The following GNAI3 variants were observed in gnomAD, a reference collection of about 807,000 sequenced individuals.
GNAI3 encodes G protein subunit alpha i3.
A neutral mutation model predicts 41.8 loss-of-function variants in GNAI3; 12 were observed. The observed-to-expected ratio is 0.29, with a 90% CI of 0.18 to 0.47. The LOEUF (loss-of-function observed/expected upper bound fraction) is 0.47. GNAI3 is among the 20% of genes least tolerant of loss of function. GNAI3 has a pLI of 1.00. For synonymous variants in GNAI3, 132 were observed against 146.5 expected (o/e 0.90, Z 0.71); for missense variants, 360 against 429.6 (o/e 0.84, Z 1.43).
intron 7 of GNAI3, among the ~76,000 whole-genome samples, chr1:109,588,895 A>ATCAG (rs1467375410): frequency 2.0e-5 from 3 of 152,034 alleles, no homozygotes; most frequent in African/African-American, 7.3e-5. Context: ...CCATCAATCA[A>ATCAG]TCAATCAATC....
chr1:109,553,640 G>A (rs551577106), intron 1 of GNAI3, among the ~76,000 whole-genome samples: 107 of 152,036 alleles, frequency 7.0e-4, no homozygotes, highest in African/African-American at 2.4e-3. Context: ...TCTGTGTTTC[G>A]GGGAAAAAAA....
intron 3 of GNAI3, among the ~76,000 whole-genome samples, chr1:109,577,744 C>G (rs1241478835): frequency 6.6e-6 from 1 of 151,954 alleles, no homozygotes; most frequent in Admixed American, 6.6e-5. Flanking sequence ...AGCTGGAGAC[C>G]CAGAGTTTGG....
Position 109,586,201 on chromosome 1 carries a change from T to G in GNAI3, c.591-15T>G. Reference sequence around the variant, plus strand: ...GTGTGACCTTGCTGAATTTGCTTTCTTTCCCCTTGCGCAGGATGTTTGATG... The same window carrying G: ...GTGTGACCTTGCTGAATTTGCTTTCGTTCCCCTTGCGCAGGATGTTTGATG... On this transcript the variant is annotated splice_polypyrimidine_tract_variant and intron_variant, in intron 5 of 8. Transcript: ENST00000369851. 1 of 1,611,582 alleles carries G rather than the reference T, an allele frequency of 6.2e-7. No homozygotes were observed. The highest frequency in any genetic ancestry group is 8.5e-7 in the Non-Finnish European group (1 of 1,178,460).
At chr1:109,586,950 A>G (rs1055487854) in intron 7 of GNAI3, 68 bp downstream of exon 7, 2 of 1,055,050 alleles carry the variant, frequency 1.9e-6, no homozygotes, top group South Asian at 1.4e-5. Flanking sequence ...GGTGGCATTC[A>G]TAAAACTGCC....
rs746738567 is a variant in GNAI3, at chr1:109,579,301, G to A, written c.401G>A (p.Gly134Asp). 1 of 1,613,664 alleles carries A rather than the reference G, an allele frequency of 6.2e-7. No homozygotes were observed. Among genetic ancestry groups the A allele is most frequent in the East Asian group, 2.2e-5 (1 of 44,878 alleles). Residue 134 changes from glycine to aspartate, a missense_variant, in exon 4 of 9, where the codon GGT becomes GAT. By Grantham distance (94) the Gly-to-Asp change is moderately conservative (BLOSUM62 -1). Coordinates refer to ENST00000369851, the MANE Select transcript of GNAI3 (RefSeq NM_006496.4). Reference protein sequence around the residue: ...AGVIKRLWRDGGVQACFSRSR... With the variant: ...AGVIKRLWRDDGVQACFSRSR... ...GTGATTAAACGGTTATGGCGAGATG[G>A]TGGGGTACAAGCTTGCTTCAGCAGA...
At chr1:109,573,713 A>G (rs961246467) in intron 1 of GNAI3, 24 bp from the exon 2 acceptor site, 2 of 1,575,298 alleles carry the variant, frequency 1.3e-6, no homozygotes, top group Non-Finnish European at 1.7e-6. Flanking sequence ...GAGAAATTCA[A>G]AGTCTGGTTT....
intron 4 of GNAI3, among the ~76,000 whole-genome samples, chr1:109,580,354 G>A (rs1648861512): frequency 6.6e-6 from 1 of 152,056 alleles, no homozygotes; most frequent in African/African-American, 2.4e-5. Flanking sequence ...CTTGTTATCT[G>A]TATTTCTCTC....
chr1:109,587,554 G>T (rs1649061221), intron 7 of GNAI3, among the ~76,000 whole-genome samples: 2 of 152,156 alleles, frequency 1.3e-5, no homozygotes. Flanking sequence ...GCATATATGA[G>T]AATATGGAGG....
At chr1:109,590,612 G>T (rs1233471944) in intron 7 of GNAI3, among the ~76,000 whole-genome samples, 2 of 145,372 alleles carry the variant, frequency 1.4e-5, no homozygotes, top group African/African-American at 2.6e-5. Context: ...GTCTTGCTCT[G>T]TCTCCCAGAC....
intron 1 of GNAI3, among the ~76,000 whole-genome samples, chr1:109,551,671 A>T (rs1295743041): frequency 6.6e-6 from 1 of 152,212 alleles, no homozygotes; most frequent in Non-Finnish European, 1.5e-5. Context: ...TAATAATGTA[A>T]AGCAGAACAC....
chr1:109,548,794 A>G lies in GNAI3; in HGVS notation c.74A>G (p.Glu25Gly). 6.2e-7 allele frequency: 1 copy of G among 1,612,942 alleles called. No homozygotes were observed. Among genetic ancestry groups the G allele is most frequent in the Non-Finnish European group, 8.5e-7 (1 of 1,179,510 alleles). Residue 25 changes from glutamate to glycine, a missense_variant, in exon 1 of 9, where the codon GAG becomes GGG. Coordinates refer to ENST00000369851, the MANE Select transcript of GNAI3 (RefSeq NM_006496.4). Reference sequence around the variant, plus strand: ...AAGATGATCGACCGCAACTTACGGGAGGACGGGGAAAAAGCGGCCAAAGAA... The same window carrying G: ...AAGATGATCGACCGCAACTTACGGGGGGACGGGGAAAAAGCGGCCAAAGAA... ...RSKMIDRNLR[E>G]DGEKAAKEVK... is the part of the protein sequence containing the mutation.
chr1:109,580,509 T>C (rs1201243292), intron 4 of GNAI3, among the ~76,000 whole-genome samples: 1 of 152,226 alleles, frequency 6.6e-6, no homozygotes, highest in Admixed American at 6.5e-5. Flanking sequence ...ACAGGGATAC[T>C]TTCTGAAAAA....
chr1:109,569,471 A>G (rs962407652), intron 1 of GNAI3, among the ~76,000 whole-genome samples: 4 of 152,226 alleles, frequency 2.6e-5, no homozygotes, highest in Non-Finnish European at 5.9e-5. Flanking sequence ...AGTTCTGAAC[A>G]CCACATGTGT....
At chr1:109,590,309 AAGCAAAG>A (rs769959492) in intron 7 of GNAI3, among the ~76,000 whole-genome samples, 85 of 152,330 alleles carry the variant, frequency 5.6e-4, no homozygotes, top group Non-Finnish European at 1.1e-3. Context: ...TCTTCACACA[AAGCAAAG>A]AGCCTTTAAT....
intron 1 of GNAI3, among the ~76,000 whole-genome samples, chr1:109,558,639 C>G (rs569793871): frequency 6.6e-6 from 1 of 152,036 alleles, no homozygotes; most frequent in East Asian, 1.9e-4. Flanking sequence ...CTAATTTTTC[C>G]TCTTACTACT....
chr1:109,556,235 G>T (rs957050620), intron 1 of GNAI3, among the ~76,000 whole-genome samples: 1 of 151,690 alleles, frequency 6.6e-6, no homozygotes, highest in Admixed American at 6.6e-5. Flanking sequence ...GTAGAGATGG[G>T]GTTTTGCCAT....
chr1:109,590,247 G>T (rs910786153), intron 7 of GNAI3, among the ~76,000 whole-genome samples: 1 of 152,190 alleles, frequency 6.6e-6, no homozygotes, highest in Non-Finnish European at 1.5e-5. Flanking sequence ...GGGGGAGAGA[G>T]ATGTAAGACA....
At chr1:109,567,848 G>A (rs1433352999) in intron 1 of GNAI3, among the ~76,000 whole-genome samples, 1 of 152,156 alleles carries the variant, frequency 6.6e-6, no homozygotes, top group African/African-American at 2.4e-5. Flanking sequence ...CCCCCATTCA[G>A]ATGAGGAAAT....
rs964638382 is a variant in GNAI3, at chr1:109,578,425, A to T, written c.304-779A>T. Reference sequence around the variant, plus strand: ...GCGGAGGTTACAAGGAGCCGAGATCACATCATTGCACTCCAGCCTGAGTGA... The same window carrying T: ...GCGGAGGTTACAAGGAGCCGAGATCTCATCATTGCACTCCAGCCTGAGTGA... On this transcript the variant is annotated intron_variant, in intron 3 of 8. Transcript: ENST00000369851. 4.0e-5 allele frequency among the ~76,000 whole-genome samples: 6 copies of T among 148,628 alleles called. No homozygotes were observed. The East Asian group carries it at 9.9e-4, about 24-fold the overall frequency.
Sources: allele counts gnomAD v4.1 joint callset (sites outside exome capture counted in the v4.1 genomes callset), GRCh38; gene constraint gnomAD v4.1.1; transcripts MANE v1.5; gene names NCBI Gene and HGNC (gene_info 2026-07-23, HGNC 2026-07-21).